POFUT3: variants seen among roughly 807,000 people sequenced by gnomAD.
POFUT3 encodes GDP-fucose protein O-fucosyltransferase 3.
At chr8:33,436,620 C>T in the POFUT3 span, 5 of 891,214 alleles carry the variant, frequency 5.6e-6, no homozygotes, top group Non-Finnish European at 9.4e-6. Flanking sequence ...ATTCCAGCAC[C>T]TTCCCATACT....
the POFUT3 span, chr8:33,389,284 C>T: frequency 1.2e-5 from 19 of 1,614,026 alleles, no homozygotes; most frequent in African/African-American, 4.0e-5. Context: ...CCCCCAGTTT[C>T]AGTGGCCTCC....
At chr8:33,334,636 T>C in the POFUT3 span, among the ~76,000 whole-genome samples, 1 of 152,184 alleles carries the variant, frequency 6.6e-6, no homozygotes, top group African/African-American at 2.4e-5. Context: ...TAGAATAGAA[T>C]AGCAAGGTAA....
the POFUT3 span, among the ~76,000 whole-genome samples, chr8:33,466,966 G>A: frequency 2.0e-5 from 3 of 152,068 alleles, no homozygotes; most frequent in Admixed American, 2.0e-4. Context: ...TTAGCCGGGT[G>A]TGGTGGCAGA....
At chr8:33,464,065 T>C in the POFUT3 span, among the ~76,000 whole-genome samples, 2 of 152,188 alleles carry the variant, frequency 1.3e-5, no homozygotes, top group African/African-American at 4.8e-5. Context: ...CAAAAGTAGA[T>C]CCTCATGAGG....
chr8:33,342,682 G>A, the POFUT3 span, among the ~76,000 whole-genome samples: 1 of 152,148 alleles, frequency 6.6e-6, no homozygotes, highest in Non-Finnish European at 1.5e-5. Flanking sequence ...TGAAGAAGCA[G>A]AAAAACTGGA....
At chr8:33,324,693 G>A in the POFUT3 span, among the ~76,000 whole-genome samples, 5 of 151,908 alleles carry the variant, frequency 3.3e-5, no homozygotes, top group African/African-American at 1.2e-4. Flanking sequence ...ACAAATGTTG[G>A]CTATTATTAT....
the POFUT3 span, among the ~76,000 whole-genome samples, chr8:33,317,300 G>A: frequency 6.6e-6 from 1 of 152,050 alleles, no homozygotes; most frequent in Non-Finnish European, 1.5e-5. Context: ...TTCAGATAAG[G>A]GGGAACCGAG....
chr8:33,318,667 T>A, the POFUT3 span, among the ~76,000 whole-genome samples: 108 of 86,968 alleles, frequency 1.2e-3, no homozygotes, highest in Admixed American at 3.4e-3. Context: ...ATATAATATA[T>A]AAATATATTG....
At chr8:33,393,955 G>C in the POFUT3 span, among the ~76,000 whole-genome samples, 1 of 152,212 alleles carries the variant, frequency 6.6e-6, no homozygotes, top group African/African-American at 2.4e-5. Flanking sequence ...ACTGAGGCAG[G>C]AGGATTGCTT....
the POFUT3 span, among the ~76,000 whole-genome samples, chr8:33,368,962 A>T: frequency 6.6e-6 from 1 of 151,976 alleles, no homozygotes; most frequent in Non-Finnish European, 1.5e-5. Context: ...AACCCTTCAC[A>T]CCTCTCTCTC....
chr8:33,436,607 C>T, the POFUT3 span: 1 of 892,710 alleles, frequency 1.1e-6, no homozygotes, highest in South Asian at 1.3e-5. Flanking sequence ...TTAATGATGC[C>T]ACATTCCAGC....
At chr8:33,456,845 T>C in the POFUT3 span, among the ~76,000 whole-genome samples, 3 of 150,344 alleles carry the variant, frequency 2.0e-5, no homozygotes, top group Non-Finnish European at 4.4e-5. Flanking sequence ...CTCGGCTCAC[T>C]GCAACCTCCA....
At chr8:33,457,850 A>G in the POFUT3 span, among the ~76,000 whole-genome samples, 1 of 152,174 alleles carries the variant, frequency 6.6e-6, no homozygotes, top group South Asian at 2.1e-4. Context: ...ATGGAAAACA[A>G]TGTCTAAGTT....
At chr8:33,397,151 T>G in the POFUT3 span, among the ~76,000 whole-genome samples, 1 of 152,232 alleles carries the variant, frequency 6.6e-6, no homozygotes, top group Non-Finnish European at 1.5e-5. Flanking sequence ...GTGTTTGAGA[T>G]AACTATGAAT....
chr8:33,336,374 A>G, the POFUT3 span, among the ~76,000 whole-genome samples: 2 of 152,380 alleles, frequency 1.3e-5, no homozygotes, highest in Non-Finnish European at 2.9e-5. Context: ...CTGGAAAATT[A>G]TAATACATCA....
chr8:33,441,413 C>G, the POFUT3 span, among the ~76,000 whole-genome samples: 1 of 123,580 alleles, frequency 8.1e-6, no homozygotes, highest in Non-Finnish European at 1.6e-5. Flanking sequence ...CAAGGTCTGG[C>G]TCTATTGACC....
the POFUT3 span, among the ~76,000 whole-genome samples, chr8:33,312,448 AAAGAG>A: frequency 6.6e-6 from 1 of 152,134 alleles, no homozygotes; most frequent in Non-Finnish European, 1.5e-5. Flanking sequence ...CTAGGCCTTT[AAAGAG>A]AAGATGAGTC....
the POFUT3 span, among the ~76,000 whole-genome samples, chr8:33,331,425 G>A: frequency 1.3e-5 from 2 of 152,112 alleles, no homozygotes; most frequent in Non-Finnish European, 2.9e-5. Context: ...AAAGAATCAT[G>A]GAAGGTTTCA....
chr8:33,469,884 C>T, the POFUT3 span, among the ~76,000 whole-genome samples: 81,508 of 146,764 alleles, frequency 0.56, 22,942 homozygotes, highest in Non-Finnish European at 0.59. Flanking sequence ...CAATCTCTGC[C>T]TCCCGAGTTC....
Sources: allele counts gnomAD v4.1 joint callset (sites outside exome capture counted in the v4.1 genomes callset), GRCh38; gene constraint gnomAD v4.1.1; transcripts MANE v1.5; gene names NCBI Gene and HGNC (gene_info 2026-07-23, HGNC 2026-07-21).